ZNF578: variants seen among roughly 807,000 people sequenced by gnomAD.
ZNF578 encodes zinc finger protein 578, also known as Putative chemokine-related protein B42.
A neutral mutation model predicts 8.3 loss-of-function variants in ZNF578; 8 were observed. That is an observed-to-expected ratio of 0.96 (90% confidence interval 0.56 to 1.74). ZNF578 has a LOEUF of 1.74. ZNF578 is among the 40% of genes most tolerant of loss of function. ZNF578 has a pLI of 0.00. For missense variants in ZNF578, 726 were observed against 707.5 expected, an observed-to-expected ratio of 1.03 and a Z score of -0.30; for synonymous variants, 206 against 232.2, an observed-to-expected ratio of 0.89 and a Z score of 1.03.
intron 5 of ZNF578, among the ~76,000 whole-genome samples, chr19:52,509,358 T>C (rs1397652378): frequency 6.6e-6 from 1 of 152,206 alleles, no homozygotes; most frequent in Non-Finnish European, 1.5e-5. Context: ...TTTAGAATTC[T>C]GCAGGCTGTA....
At chr19:52,461,498 G>C (rs1223173808) in intron 2 of ZNF578, among the ~76,000 whole-genome samples, 2 of 152,156 alleles carry the variant, frequency 1.3e-5, no homozygotes, top group Non-Finnish European at 2.9e-5. Context: ...TAACATTTCT[G>C]TGATGATATG....
At chr19:52,465,092 C>A (rs2059270374) in intron 2 of ZNF578, among the ~76,000 whole-genome samples, 1 of 152,208 alleles carries the variant, frequency 6.6e-6, no homozygotes, top group South Asian at 2.1e-4. Flanking sequence ...TGGCCTTTTT[C>A]TAGTAGTTCT....
At chr19:52,491,705 A>ACT (rs2059365512) in intron 3 of ZNF578, among the ~76,000 whole-genome samples, 1 of 152,172 alleles carries the variant, frequency 6.6e-6, no homozygotes, top group South Asian at 2.1e-4. Flanking sequence ...ACAGAGAAAT[A>ACT]CTGTCTTAAA....
intron 5 of ZNF578, among the ~76,000 whole-genome samples, chr19:52,509,556 A>G (rs1487217996): frequency 6.6e-6 from 1 of 152,116 alleles, no homozygotes; most frequent in African/African-American, 2.4e-5. Context: ...TGGGAGGCCA[A>G]AGGGGGTGGA....
chr19:52,477,830 C>A (rs2122828441), intron 2 of ZNF578, among the ~76,000 whole-genome samples: 1 of 152,308 alleles, frequency 6.6e-6, no homozygotes, highest in Middle Eastern at 3.4e-3. Flanking sequence ...ATTTCTGCAG[C>A]AGTGGTGTGA....
chr19:52,475,762 A>G (rs547234625), intron 2 of ZNF578, among the ~76,000 whole-genome samples: 5 of 152,312 alleles, frequency 3.3e-5, no homozygotes, highest in Admixed American at 3.3e-4. Context: ...TCTTTCAGTA[A>G]CAATAGTGCC....
At position 52,511,296 on chromosome 19, in the gene ZNF578, T is replaced by G. The variant is rs754339309; in HGVS notation, c.915T>G (p.His305Gln). 3.7e-6 allele frequency: 6 copies of G among 1,614,102 alleles called. No homozygotes were observed. The South Asian group carries it at 6.6e-5, about 18-fold the overall frequency. ...SFSYKSSLTC[H>Q]RRCHTGEKPY... Reference sequence around the variant, plus strand: ...GTTACAAGTCATCCCTGACATGCCATCGTAGATGTCACACTGGTGAGAAAC... The same window carrying G: ...GTTACAAGTCATCCCTGACATGCCAGCGTAGATGTCACACTGGTGAGAAAC... The change falls in exon 6 of 6, where the codon CAT becomes CAG. Residue 305 changes from histidine (H) to glutamine (Q), a missense_variant. Physicochemically the swap from His to Gln is conservative, Grantham distance 24. Transcript: ENST00000421239.
At chr19:52,479,004 G>A (rs911156294) in intron 2 of ZNF578, among the ~76,000 whole-genome samples, 1 of 151,376 alleles carries the variant, frequency 6.6e-6, no homozygotes, top group Non-Finnish European at 1.5e-5. Flanking sequence ...ATGAGCCACC[G>A]CGCCCGGCTA....
chr19:52,470,640 C>T (rs901866978), intron 2 of ZNF578, among the ~76,000 whole-genome samples: 14 of 152,110 alleles, frequency 9.2e-5, no homozygotes, highest in African/African-American at 3.1e-4. Context: ...ACGGCTAGAA[C>T]AAAACAGGCA....
chr19:52,510,502 T>G, intron 5 of ZNF578, 70 bp from the exon 6 acceptor site: 1 of 1,436,360 alleles, frequency 7.0e-7, no homozygotes, highest in South Asian at 1.9e-5. Context: ...TATTGTGTCA[T>G]ATTTACACAC....
At chr19:52,496,110 C>T (rs1324989660) in intron 3 of ZNF578, among the ~76,000 whole-genome samples, 1 of 151,706 alleles carries the variant, frequency 6.6e-6, no homozygotes. Flanking sequence ...ACCTCTGCCT[C>T]CCGGGTTCAA....
chr19:52,497,149 G>T (rs1275600163), intron 3 of ZNF578, among the ~76,000 whole-genome samples: 1 of 152,076 alleles, frequency 6.6e-6, no homozygotes, highest in Non-Finnish European at 1.5e-5. Context: ...ACCCAGGCTG[G>T]AGTGCAGTGG....
chr19:52,509,824 G>A (rs1424461053), intron 5 of ZNF578, among the ~76,000 whole-genome samples: 1 of 151,908 alleles, frequency 6.6e-6, no homozygotes, highest in Non-Finnish European at 1.5e-5. Context: ...GTGGATATAT[G>A]TAATTTTATG....
At chr19:52,469,700 C>G (rs1279108144) in intron 2 of ZNF578, among the ~76,000 whole-genome samples, 1 of 152,190 alleles carries the variant, frequency 6.6e-6, no homozygotes, top group East Asian at 1.9e-4. Flanking sequence ...TACTTTTCAA[C>G]ATTTCTGGAG....
Position 52,511,978 on chromosome 19 carries a change from C to T in ZNF578, c.1597C>T (p.His533Tyr). The T allele has an allele frequency of 1.2e-6, 2 of 1,614,090 alleles. No individual in the cohort carries two copies. Among genetic ancestry groups the T allele is most frequent in the South Asian group, 2.2e-5 (2 of 91,078 alleles). The part of the protein sequence containing the change: ...QSHLSRHHRL[H>Y]TGEKPYKCKV... The stretch of plus-strand genomic sequence containing the variant: ...ACACCTTTCACGTCATCATAGACTT[C>T]ATACTGGAGAGAAACCTTACAAATG... The change falls in exon 6 of 6, where the codon CAT becomes TAT. Residue 533 changes from histidine to tyrosine, a missense_variant. Coordinates refer to ENST00000421239, the MANE Select transcript of ZNF578 (RefSeq NM_001099694.2).
chr19:52,471,684 C>T (rs1046575507), intron 2 of ZNF578, among the ~76,000 whole-genome samples: 2 of 152,156 alleles, frequency 1.3e-5, no homozygotes, highest in Admixed American at 1.3e-4. Context: ...CCTGCTTTCT[C>T]CATAAAGCCT....
rs556847685 is a variant in ZNF578, at chr19:52,485,265, C to T, written c.-121-6059C>T. Reference sequence around the variant, plus strand: ...TAAGAACAAGGCCCCAAGGGGAGGGCGGAGCCAGAACGTGGGGCTGTGCTG... The same window carrying T: ...TAAGAACAAGGCCCCAAGGGGAGGGTGGAGCCAGAACGTGGGGCTGTGCTG... On this transcript the variant is annotated intron_variant, in intron 2 of 5. Transcript: ENST00000421239. Among the ~76,000 whole-genome samples the T allele has an allele frequency of 3.3e-4, 51 of 152,304 alleles. 1 individual carries two copies. Among genetic ancestry groups the T allele is most frequent in the African/African-American group, 1.2e-3 (48 of 41,574 alleles).
intron 5 of ZNF578, among the ~76,000 whole-genome samples, chr19:52,506,467 T>TC (rs2059426032): frequency 9.0e-6 from 1 of 110,516 alleles, no homozygotes; most frequent in Non-Finnish European, 1.9e-5. Context: ...AGTTTCTTTT[T>TC]TTTTTTTTTT....
At chr19:52,486,208 T>C (rs937548599) in intron 2 of ZNF578, among the ~76,000 whole-genome samples, 1 of 152,222 alleles carries the variant, frequency 6.6e-6, no homozygotes, top group Non-Finnish European at 1.5e-5. Flanking sequence ...CACTTTTTTC[T>C]TTACCTTGTT....
Sources: allele counts gnomAD v4.1 joint callset (sites outside exome capture counted in the v4.1 genomes callset), GRCh38; gene constraint gnomAD v4.1.1; transcripts MANE v1.5; gene names NCBI Gene and HGNC (gene_info 2026-07-23, HGNC 2026-07-21).